Variants in SPECC1 observed in about 807,000 individuals in gnomAD.
SPECC1 encodes the protein cytospin-B.
SPECC1 carries 62 observed loss-of-function variants against 104.1 expected under a neutral mutation model. That is an observed-to-expected ratio of 0.60 (90% CI 0.49 to 0.74). The LOEUF (loss-of-function observed/expected upper bound fraction) is 0.74, where lower values mean the gene tolerates loss of function less well. Among genes scored for constraint, SPECC1 ranks in the 30% least tolerant of loss-of-function variants. SPECC1 has a pLI of 0.00. For missense variants in SPECC1, 1,306 were observed against 1,310.5 expected (o/e 1.00, Z 0.05); for synonymous variants, 513 against 501.6 (o/e 1.02, Z -0.30).
chr17:20,305,129 A>G (rs891591018), intron 13 of SPECC1, among the ~76,000 whole-genome samples: 2 of 152,120 alleles, frequency 1.3e-5, no homozygotes, highest in African/African-American at 2.4e-5. Flanking sequence ...GGAGCTGTAG[A>G]GGACACGTGC....
chr17:20,064,317 T>C (rs1013951792), intron 1 of SPECC1, among the ~76,000 whole-genome samples: 14 of 152,316 alleles, frequency 9.2e-5, no homozygotes, highest in South Asian at 4.1e-4. Flanking sequence ...ATGAAACTTG[T>C]GGGGGATTGA....
chr17:20,050,326 A>G (rs1248221286), intron 1 of SPECC1, among the ~76,000 whole-genome samples: 5 of 152,082 alleles, frequency 3.3e-5, no homozygotes, highest in African/African-American at 1.2e-4. Flanking sequence ...TGCTGTCTGA[A>G]CACCATTTGT....
intron 3 of SPECC1, among the ~76,000 whole-genome samples, chr17:20,134,138 ATATATAT>A (rs1246181188): frequency 2.7e-5 from 4 of 150,072 alleles, no homozygotes; most frequent in African/African-American, 9.7e-5. Context: ...ATAGTATAAA[ATATATAT>A]TATATATTCC....
chr17:20,235,347 T>A (rs955812648), intron 7 of SPECC1, among the ~76,000 whole-genome samples: 7 of 152,200 alleles, frequency 4.6e-5, no homozygotes, highest in African/African-American at 1.7e-4. Context: ...TGGACACATA[T>A]AATGTAATAG....
intron 1 of SPECC1, among the ~76,000 whole-genome samples, chr17:20,042,755 T>C (rs1038593176): frequency 3.9e-5 from 6 of 152,244 alleles, no homozygotes; most frequent in African/African-American, 1.4e-4. Flanking sequence ...CTGTGCCCCT[T>C]GGTGTTTTGA....
At chr17:20,056,637 T>C in intron 1 of SPECC1, 1 of 165,986 alleles carries the variant, frequency 6.0e-6, no homozygotes, top group Non-Finnish European at 1.3e-5. Flanking sequence ...AAGCTTAAAA[T>C]GGAAAAGCAT....
chr17:20,050,144 TC>T (rs2045685483), intron 1 of SPECC1, among the ~76,000 whole-genome samples: 1 of 152,236 alleles, frequency 6.6e-6, no homozygotes, highest in South Asian at 2.1e-4. Flanking sequence ...TATTTGGTGC[TC>T]CTCACCAACA....
intron 3 of SPECC1, among the ~76,000 whole-genome samples, chr17:20,129,583 T>C (rs1053361121): frequency 1.3e-5 from 2 of 152,198 alleles, no homozygotes; most frequent in African/African-American, 2.4e-5. Flanking sequence ...AATATGTTCT[T>C]CCAGTCTCTC....
intron 7 of SPECC1, chr17:20,236,968 A>G: frequency 6.2e-7 from 1 of 1,604,108 alleles, no homozygotes; most frequent in Non-Finnish European, 8.5e-7. Context: ...GAATGTGTAG[A>G]GGAGAAATTG....
chr17:20,232,366 A>G lies in SPECC1; in HGVS notation c.2312A>G (p.Gln771Arg), dbSNP rs2038645739. Residue 771 changes from glutamine to arginine, a missense_variant, in exon 7 of 15, where the codon CAG (glutamine) becomes CGG (arginine). Gln to Arg is a conservative substitution (Grantham distance 43). Transcript: ENST00000395527. ...TTGCAGAAGGAGCTGGGGGATGTGC[A>G]GGGCCACGGCAGGGTGGTCACCAGC... is the stretch of plus-strand genomic sequence containing the variant. The part of the protein sequence containing the change: ...ARLQKELGDV[Q>R]GHGRVVTSRA... 2 of 1,613,442 alleles carry G rather than the reference A, an allele frequency of 1.2e-6. No individual in the cohort carries two copies. The highest frequency in any genetic ancestry group is 2.7e-5 in the African/African-American group (2 of 74,904).
intron 1 of SPECC1, among the ~76,000 whole-genome samples, chr17:20,068,776 G>A (rs1328970905): frequency 1.3e-5 from 2 of 152,064 alleles, no homozygotes; most frequent in Admixed American, 6.6e-5. Context: ...GTGCTTGTTG[G>A]CCACTTGTAT....
chr17:20,084,950 G>A (rs1018473393), intron 1 of SPECC1, among the ~76,000 whole-genome samples: 2 of 152,242 alleles, frequency 1.3e-5, no homozygotes, highest in Non-Finnish European at 2.9e-5. Context: ...GGTCCAGGGT[G>A]CTGTGGACAC....
chr17:20,205,049 A>G lies in SPECC1; in HGVS notation c.1000A>G (p.Ile334Val), dbSNP rs375415234. The change falls in exon 4 of 15, where the codon ATT (isoleucine) becomes GTT (valine). Residue 334 changes from isoleucine to valine, a missense_variant. This residue lies in a region of SPECC1 where 1,177 missense variants were observed against 1,139.9 expected (regional missense o/e 1.03). Transcript: ENST00000395527. ...GCCAGATGCTTCCGACTTTGAGCAC[A>G]TTACAGCAGAGACACCCTCAAGGCC... is the stretch of plus-strand genomic sequence containing the variant. ...LSPDASDFEH[I>V]TAETPSRPLS... The G allele has an allele frequency of 1.4e-4, 222 of 1,614,106 alleles. No individual in the cohort carries two copies. Among genetic ancestry groups the G allele is most frequent in the Non-Finnish European group, 1.7e-4 (205 of 1,180,036 alleles).
intron 3 of SPECC1, among the ~76,000 whole-genome samples, chr17:20,161,658 TTA>T (rs2033159409): frequency 6.6e-6 from 1 of 151,712 alleles, no homozygotes; most frequent in Non-Finnish European, 1.5e-5. Flanking sequence ...AATATGCTCT[TTA>T]CTTTTAAAAT....
intron 3 of SPECC1, among the ~76,000 whole-genome samples, chr17:20,188,598 G>T (rs1185138157): frequency 6.6e-6 from 1 of 152,062 alleles, no homozygotes; most frequent in Admixed American, 6.6e-5. Flanking sequence ...ATATACTTAT[G>T]ATGTGACCGT....
chr17:20,040,375 G>C (rs1008661625), intron 1 of SPECC1, among the ~76,000 whole-genome samples: 2 of 152,154 alleles, frequency 1.3e-5, no homozygotes, highest in Non-Finnish European at 2.9e-5. Context: ...CTTAAGAGGA[G>C]ATAGAAATTT....
chr17:20,109,817 C>G (rs1234731390), intron 2 of SPECC1, among the ~76,000 whole-genome samples: 1 of 151,956 alleles, frequency 6.6e-6, no homozygotes, highest in African/African-American at 2.4e-5. Context: ...TCATTGGTTC[C>G]CATTCTTTTT....
chr17:20,027,961 T>G (rs1427475160), intron 1 of SPECC1, among the ~76,000 whole-genome samples: 1 of 152,254 alleles, frequency 6.6e-6, no homozygotes, highest in Non-Finnish European at 1.5e-5. Context: ...TGGTCATGCT[T>G]TTGGTGTCAT....
chr17:20,074,909 TA>T (rs1468315161), intron 1 of SPECC1, among the ~76,000 whole-genome samples: 1 of 152,192 alleles, frequency 6.6e-6, no homozygotes, highest in Non-Finnish European at 1.5e-5. Flanking sequence ...TCCAATATGT[TA>T]TTTTTTTTTT....
Sources: gnomAD v4.1 joint callset for allele counts (sites outside exome capture counted in the v4.1 genomes callset) on GRCh38, gnomAD v4.1.1 for gene constraint, gnomAD v4.1.1 regional missense constraint, MANE v1.5 for transcripts, NCBI Gene and HGNC (gene_info 2026-07-23, HGNC 2026-07-21) for gene names.